The following DTNBP1 variants were observed in gnomAD, a reference collection of about 807,000 sequenced individuals.
DTNBP1 encodes the protein dystrobrevin binding protein 1, also known as dysbindin.
Under a neutral mutation model 42.8 loss-of-function variants are expected in DTNBP1, and 35 were observed. The observed-to-expected ratio is 0.82, with a 90% CI of 0.63 to 1.09. DTNBP1 has a LOEUF of 1.09. Among genes scored for constraint, DTNBP1 ranks in the 50% least tolerant of loss-of-function variants. The pLI is 0.00. For synonymous variants in DTNBP1, 171 were observed against 162.2 expected (o/e 1.05, Z -0.41); for missense variants, 457 against 424.2 (o/e 1.08, Z -0.68).
chr6:15,627,188 A>G (rs570681222), intron 5 of DTNBP1, among the ~76,000 whole-genome samples, 155 bp downstream of exon 5: 1 of 152,308 alleles, frequency 6.6e-6, no homozygotes, highest in Non-Finnish European at 1.5e-5. Context: ...TTTCTGTGGA[A>G]TCCTCAACTA....
intron 4 of DTNBP1, among the ~76,000 whole-genome samples, chr6:15,632,128 G>C (rs1178121204): frequency 2.0e-5 from 3 of 151,738 alleles, no homozygotes; most frequent in Non-Finnish European, 4.4e-5. Flanking sequence ...TTTCTCCTAG[G>C]TTATTTTCAT....
chr6:15,585,672 T>C, intron 7 of DTNBP1: 1 of 1,528,508 alleles, frequency 6.5e-7, no homozygotes, highest in Non-Finnish European at 8.8e-7. Context: ...AATAAACATT[T>C]CAAAGGAAAG....
Position 15,650,677 on chromosome 6 carries a change from T to C in DTNBP1, c.161+636A>G, listed in dbSNP as rs1760942776. ...CGTTTGCATATCTTCTTTTGAGAAA[T>C]GTCTATTCAACTCTTTTGCCTATTT... On this transcript the variant is annotated intron_variant, in intron 3 of 9. Transcript: ENST00000344537. Among the ~76,000 whole-genome samples, 3 of 152,154 alleles carry C rather than the reference T, an allele frequency of 2.0e-5. No individual in the cohort carries two copies. In the South Asian group the frequency reaches 6.2e-4, roughly 31 times the overall value.
chr6:15,541,611 CTA>C (rs2113352392), intron 7 of DTNBP1, among the ~76,000 whole-genome samples: 1 of 152,232 alleles, frequency 6.6e-6, no homozygotes, highest in South Asian at 2.1e-4. Flanking sequence ...CACCTCAGGC[CTA>C]TGTCTTTTTA....
chr6:15,562,844 T>A (rs1774906695), intron 7 of DTNBP1, among the ~76,000 whole-genome samples: 1 of 152,232 alleles, frequency 6.6e-6, no homozygotes, highest in Non-Finnish European at 1.5e-5. Context: ...CGTTTCTCAC[T>A]AACTGGCCAA....
intron 7 of DTNBP1, among the ~76,000 whole-genome samples, chr6:15,592,329 T>A (rs1413606498): frequency 2.0e-5 from 3 of 152,144 alleles, no homozygotes; most frequent in African/African-American, 7.2e-5. Context: ...TTGAAATGAA[T>A]CTCTCGAGAA....
intron 4 of DTNBP1, among the ~76,000 whole-genome samples, chr6:15,637,084 A>G (rs1412948452): frequency 6.6e-6 from 1 of 152,180 alleles, no homozygotes; most frequent in East Asian, 1.9e-4. Context: ...TTACAGCTTC[A>G]TTAATTTAGG....
At chr6:15,629,367 G>C (rs1759554628) in intron 4 of DTNBP1, among the ~76,000 whole-genome samples, 1 of 151,602 alleles carries the variant, frequency 6.6e-6, no homozygotes. Context: ...GAAAACTCTA[G>C]AATAAATAAT....
At position 15,652,119 on chromosome 6, in the gene DTNBP1, C is replaced by T. The variant is rs1761034395; in HGVS notation, c.78G>A (p.Lys26=). Residue 26 remains lysine (K), a synonymous_variant, in exon 2 of 10, where the codon AAG becomes AAA. Transcript: ENST00000344537. The part of the protein sequence containing the change: ...FTSGLKTLSD[K]SREAKVKSKP... Reference sequence around the variant, plus strand: ...TGCTTTTCACTTTTGCTTCTCTTGACTTGTCACTTAAAGTCTTCAGCCTAT... The same window carrying T: ...TGCTTTTCACTTTTGCTTCTCTTGATTTGTCACTTAAAGTCTTCAGCCTAT... 1.2e-6 allele frequency: 2 copies of T among 1,612,516 alleles called. No individual in the cohort carries two copies. The highest frequency in any genetic ancestry group is 4.5e-5 in the East Asian group (2 of 44,798).
intron 3 of DTNBP1, among the ~76,000 whole-genome samples, chr6:15,649,583 G>A (rs1312491799): frequency 1.3e-5 from 2 of 152,126 alleles, no homozygotes; most frequent in Non-Finnish European, 2.9e-5. Context: ...GGGATTGGAT[G>A]CACAACCATG....
rs1407514293 is a variant in DTNBP1 at position 15,523,566 on chromosome 6, T to TC, written c.812-348_812-347insG. 3.2e-6 allele frequency: 4 copies of TC among 1,235,142 alleles called. No individual in the cohort carries two copies. In the East Asian group the frequency reaches 2.3e-4, roughly 70 times the overall value. The allele number at this position is 1,235,142 out of a possible 1,614,324, so 76.5% of individuals were successfully genotyped here. A position where few individuals can be genotyped will look rare whatever the true frequency, so the allele number is the denominator to read the frequency against. ...TAACCTTGATAATCTAGATTTCTTT[T>TC]TTTTTTTTTTACCCTTTGCAGTAAT... On this transcript the variant is annotated intron_variant, in intron 9 of 9. Coordinates refer to ENST00000344537, the MANE Select transcript of DTNBP1 (RefSeq NM_032122.5).
chr6:15,525,787 G>A (rs1361503950), intron 8 of DTNBP1, among the ~76,000 whole-genome samples: 1 of 152,356 alleles, frequency 6.6e-6, no homozygotes, highest in East Asian at 1.9e-4. Flanking sequence ...GAAAGATGCA[G>A]AAGCGTAGCA....
At chr6:15,609,599 G>A (rs958020396) in intron 6 of DTNBP1, among the ~76,000 whole-genome samples, 2 of 152,200 alleles carry the variant, frequency 1.3e-5, no homozygotes, top group Non-Finnish European at 2.9e-5. Context: ...GAGTACAGGC[G>A]TGAGCCACCA....
At chr6:15,625,860 C>T (rs1204161524) in intron 5 of DTNBP1, among the ~76,000 whole-genome samples, 1 of 152,206 alleles carries the variant, frequency 6.6e-6, no homozygotes, top group Admixed American at 6.5e-5. Context: ...ATGTTCCGAA[C>T]ATCTTAAAGG....
At chr6:15,528,920 G>GGGACTGCTCAAGCCTGAGAA (rs1369628458) in intron 8 of DTNBP1, among the ~76,000 whole-genome samples, 2 of 152,332 alleles carry the variant, frequency 1.3e-5, no homozygotes, top group Non-Finnish European at 2.9e-5. Context: ...AGGGGACTGT[G>GGGACTGCTCAAGCCTGAGAA]GGACTGCTCA....
intron 5 of DTNBP1, among the ~76,000 whole-genome samples, chr6:15,625,488 T>A (rs1198717043): frequency 6.6e-6 from 1 of 152,194 alleles, no homozygotes; most frequent in Non-Finnish European, 1.5e-5. Flanking sequence ...CTTGTGCATT[T>A]AAGAAGCCAA....
At chr6:15,663,029 A>G, upstream of DTNBP1, 2 of 973,678 alleles carry the variant, frequency 2.1e-6, no homozygotes, top group Non-Finnish European at 2.9e-6. Context: ...CCGCAACCCC[A>G]GCCCCTTCCG....
At chr6:15,616,723 A>G (rs1284099800) in intron 5 of DTNBP1, among the ~76,000 whole-genome samples, 1 of 152,246 alleles carries the variant, frequency 6.6e-6, no homozygotes. Flanking sequence ...ACTTACAATT[A>G]TAGGTTTATT....
chr6:15,633,369 T>A (rs1434282241), intron 4 of DTNBP1, among the ~76,000 whole-genome samples: 1 of 152,206 alleles, frequency 6.6e-6, no homozygotes, highest in Non-Finnish European at 1.5e-5. Flanking sequence ...CTATTCTAGA[T>A]GCCATCACAC....
Sources: gnomAD v4.1 joint callset for allele counts (sites outside exome capture counted in the v4.1 genomes callset) on GRCh38, gnomAD v4.1.1 for gene constraint, MANE v1.5 for transcripts, NCBI Gene and HGNC (gene_info 2026-07-23, HGNC 2026-07-21) for gene names.